Variants in GLIS1 observed in about 807,000 individuals in gnomAD.
GLIS1 encodes zinc finger protein GLIS1.
A neutral mutation model predicts 63.8 loss-of-function variants in GLIS1; 24 were observed. That is an observed-to-expected ratio of 0.38 (90% CI 0.27 to 0.53). The LOEUF is 0.53. Among genes scored for constraint, GLIS1 ranks in the 20% least tolerant of loss-of-function variants. The pLI, the probability that GLIS1 is intolerant of heterozygous loss-of-function variation, is 0.85. For missense variants in GLIS1, 1,036 were observed against 1,074.1 expected (o/e 0.96, Z 0.50); for synonymous variants, 450 against 482.5 (o/e 0.93, Z 0.88).
chr1:53,576,348 C>T (rs571500128), intron 4 of GLIS1, among the ~76,000 whole-genome samples: 8 of 152,190 alleles, frequency 5.3e-5, no homozygotes, highest in Non-Finnish European at 1.0e-4. Context: ...ACCAAGCATA[C>T]GTGACTTAAC....
At chr1:53,705,177 C>T (rs866640517) in intron 2 of GLIS1, among the ~76,000 whole-genome samples, 1 of 152,154 alleles carries the variant, frequency 6.6e-6, no homozygotes. Context: ...CAGCTACTAT[C>T]GCATTTGACT....
intron 4 of GLIS1, among the ~76,000 whole-genome samples, chr1:53,543,245 G>C (rs1343446684): frequency 6.6e-6 from 1 of 152,248 alleles, no homozygotes; most frequent in Non-Finnish European, 1.5e-5. Flanking sequence ...TCACGGGGAA[G>C]TGGTCCTCCC....
intron 1 of GLIS1, 116 bp from the exon 2 acceptor site, chr1:53,738,222 G>A: frequency 1.9e-6 from 1 of 536,676 alleles, no homozygotes; most frequent in Admixed American, 4.4e-5. Context: ...CTTTAACATA[G>A]GTTAGCACCA....
chr1:53,730,412 G>A (rs190812908), intron 2 of GLIS1, among the ~76,000 whole-genome samples: 29 of 152,212 alleles, frequency 1.9e-4, no homozygotes, highest in East Asian at 1.5e-3. Flanking sequence ...GTCCAGCAGC[G>A]TTCCAAAATA....
chr1:53,604,411 A>G (rs1307466745), intron 2 of GLIS1, among the ~76,000 whole-genome samples: 1 of 152,222 alleles, frequency 6.6e-6, no homozygotes, highest in Non-Finnish European at 1.5e-5. Flanking sequence ...ATAAAGTGGC[A>G]CCACATATAA....
chr1:53,596,915 T>C (rs1345375027), intron 3 of GLIS1, among the ~76,000 whole-genome samples: 3 of 152,004 alleles, frequency 2.0e-5, no homozygotes, highest in African/African-American at 7.2e-5. Flanking sequence ...TCACTCAACA[T>C]GCTTTTCACT....
intron 4 of GLIS1, among the ~76,000 whole-genome samples, chr1:53,540,311 C>T (rs751814404): frequency 1.1e-4 from 16 of 152,092 alleles, no homozygotes; most frequent in Admixed American, 9.8e-4. Context: ...AGGCTGTGAG[C>T]GCTGCTTCAG....
chr1:53,720,059 C>G (rs761552948), intron 2 of GLIS1, among the ~76,000 whole-genome samples: 1 of 152,148 alleles, frequency 6.6e-6, no homozygotes, highest in African/African-American at 2.4e-5. Flanking sequence ...GCCTGTAATC[C>G]CAGCTACTCA....
chr1:53,654,637 G>C (rs1331486963), intron 2 of GLIS1, among the ~76,000 whole-genome samples: 2 of 152,212 alleles, frequency 1.3e-5, no homozygotes, highest in South Asian at 2.1e-4. Context: ...GAAACTCGGA[G>C]AGCGCAGTGT....
intron 7 of GLIS1, among the ~76,000 whole-genome samples, chr1:53,516,336 C>T (rs1644352583): frequency 6.6e-6 from 1 of 152,136 alleles, no homozygotes; most frequent in African/African-American, 2.4e-5. Context: ...CCCAGGCTGG[C>T]CCCTTTGGCC....
At chr1:53,656,268 C>G (rs1368772344) in intron 2 of GLIS1, among the ~76,000 whole-genome samples, 1 of 152,216 alleles carries the variant, frequency 6.6e-6, no homozygotes, top group Non-Finnish European at 1.5e-5. Flanking sequence ...CACTCCACCC[C>G]AGAGGGGAGT....
chr1:53,512,956 G>A (rs897870373), intron 8 of GLIS1, among the ~76,000 whole-genome samples: 1 of 152,200 alleles, frequency 6.6e-6, no homozygotes, highest in Admixed American at 6.5e-5. Context: ...TGTCAGGCGT[G>A]TGTACGGCCC....
intron 2 of GLIS1, among the ~76,000 whole-genome samples, chr1:53,720,856 G>A (rs1421612781): frequency 6.6e-6 from 1 of 152,082 alleles, no homozygotes; most frequent in Admixed American, 6.5e-5. Flanking sequence ...ACATTATCTG[G>A]GCATGGTAGC....
intron 4 of GLIS1, among the ~76,000 whole-genome samples, chr1:53,570,700 A>G (rs2100463859): frequency 6.6e-6 from 1 of 152,310 alleles, no homozygotes; most frequent in Non-Finnish European, 1.5e-5. Context: ...AGATCACTGG[A>G]TTTGCAGATC....
intron 4 of GLIS1, among the ~76,000 whole-genome samples, chr1:53,585,984 G>T (rs569212898): frequency 6.6e-6 from 1 of 152,356 alleles, no homozygotes; most frequent in African/African-American, 2.4e-5. Flanking sequence ...GAGCAGCAGA[G>T]CTGGGATGAG....
At chr1:53,704,797 T>C (rs115052681) in intron 2 of GLIS1, among the ~76,000 whole-genome samples, 1,874 of 152,262 alleles carry the variant, frequency 0.012, 31 homozygotes, top group African/African-American at 0.043. Context: ...CACTGGCTCG[T>C]AGTGAGAGAG....
At chr1:53,537,047 T>C (rs555863684) in intron 4 of GLIS1, among the ~76,000 whole-genome samples, 2 of 152,236 alleles carry the variant, frequency 1.3e-5, no homozygotes, top group African/African-American at 4.8e-5. Flanking sequence ...AATTGAAAAA[T>C]GTCCACTGCA....
chr1:53,593,917 T>A (rs1645219009), intron 4 of GLIS1, among the ~76,000 whole-genome samples, 191 bp downstream of exon 4: 1 of 152,166 alleles, frequency 6.6e-6, no homozygotes, highest in South Asian at 2.1e-4. Flanking sequence ...TCTGCCACGG[T>A]TCCCAGTGAC....
intron 3 of GLIS1, among the ~76,000 whole-genome samples, chr1:53,597,043 G>A (rs1238904663): frequency 6.6e-6 from 1 of 151,838 alleles, no homozygotes; most frequent in African/African-American, 2.4e-5. Flanking sequence ...TTCTGCTGAG[G>A]GGTAGGTAGA....
Sources: gnomAD v4.1 joint callset for allele counts (sites outside exome capture counted in the v4.1 genomes callset) on GRCh38, gnomAD v4.1.1 for gene constraint, MANE v1.5 for transcripts, NCBI Gene and HGNC (gene_info 2026-07-23, HGNC 2026-07-21) for gene names.